The following TAOK1 variants were observed in gnomAD, a reference collection of about 807,000 sequenced individuals.
The protein encoded by TAOK1 is serine/threonine-protein kinase TAO1.
A neutral mutation model predicts 138.3 loss-of-function variants in TAOK1; 21 were observed. That is an observed-to-expected ratio of 0.15 (90% CI 0.11 to 0.22). The LOEUF (loss-of-function observed/expected upper bound fraction) is 0.22. Among genes scored for constraint, TAOK1 ranks in the 10% least tolerant of loss-of-function variants. TAOK1 has a pLI of 1.00. For missense variants in TAOK1, 651 were observed against 1,227.7 expected (o/e 0.53, Z 7.02); for synonymous variants, 361 against 398.4 (o/e 0.91, Z 1.12).
intron 16 of TAOK1, among the ~76,000 whole-genome samples, chr17:29,519,188 A>T (rs2031872506): frequency 6.6e-6 from 1 of 151,890 alleles, no homozygotes; most frequent in Non-Finnish European, 1.5e-5. Flanking sequence ...AATTGGGTAA[A>T]TGTTGTAGAA....
intron 6 of TAOK1, among the ~76,000 whole-genome samples, chr17:29,479,583 A>C (rs540883934): frequency 6.6e-6 from 1 of 152,260 alleles, no homozygotes; most frequent in East Asian, 1.9e-4. Context: ...AATTTAAGAT[A>C]CCTCTCCATT....
intron 1 of TAOK1, among the ~76,000 whole-genome samples, chr17:29,399,516 C>T (rs376589156): frequency 4.7e-4 from 72 of 152,086 alleles, no homozygotes; most frequent in African/African-American, 1.6e-3. Context: ...GGGGTTTCAC[C>T]GTGTTAGCCA....
intron 8 of TAOK1, 52 bp from the exon 9 acceptor site, chr17:29,489,612 C>G: frequency 8.3e-7 from 1 of 1,204,558 alleles, no homozygotes. Context: ...GTGCCCAGGA[C>G]TTGAGTACCC....
At chr17:29,537,802 A>G (rs2032248134) in intron 19 of TAOK1, among the ~76,000 whole-genome samples, 1 of 152,234 alleles carries the variant, frequency 6.6e-6, no homozygotes, top group South Asian at 2.1e-4. Flanking sequence ...TAATAGTTTA[A>G]AACAACCTAA....
intron 2 of TAOK1, among the ~76,000 whole-genome samples, chr17:29,455,284 A>C (rs2030346118): frequency 6.6e-6 from 1 of 150,484 alleles, no homozygotes; most frequent in Admixed American, 6.6e-5. Flanking sequence ...GAAATTGTTC[A>C]TTGCTGATGT....
Position 29,517,153 on chromosome 17 carries a change from A to AT in TAOK1, c.1705-292dup, listed in dbSNP as rs1162897783. ...GGGCACCCGCCACCATGCCCGGCTA[A>AT]TTTTTTTTGTATTTTTAGTAGAGAC... On this transcript the variant is annotated intron_variant, in intron 15 of 19. Coordinates refer to ENST00000261716, the MANE Select transcript of TAOK1 (RefSeq NM_020791.4). Among the ~76,000 whole-genome samples, 3 of 151,532 alleles carry AT rather than the reference A, an allele frequency of 2.0e-5. No individual in the cohort carries two copies. In the East Asian group the frequency reaches 5.9e-4, roughly 30 times the overall value.
intron 1 of TAOK1, among the ~76,000 whole-genome samples, chr17:29,448,256 A>G (rs529939500): frequency 6.6e-6 from 1 of 151,658 alleles, no homozygotes; most frequent in African/African-American, 2.4e-5. Context: ...AAAAGGTATA[A>G]TTTTTCTCTC....
At chr17:29,437,321 A>G (rs1048268222) in intron 1 of TAOK1, among the ~76,000 whole-genome samples, 11 of 151,782 alleles carry the variant, frequency 7.2e-5, no homozygotes, top group South Asian at 2.1e-4. Flanking sequence ...CTTGGCCTCC[A>G]AAAGCACTGG....
At chr17:29,526,823 A>T (rs1342089348) in intron 17 of TAOK1, among the ~76,000 whole-genome samples, 1 of 145,142 alleles carries the variant, frequency 6.9e-6, no homozygotes, top group Non-Finnish European at 1.5e-5. Context: ...ATCTCTTAAA[A>T]AAAAAAAAAA....
intron 1 of TAOK1, among the ~76,000 whole-genome samples, chr17:29,442,063 T>G (rs559164255): frequency 3.4e-4 from 52 of 152,008 alleles, no homozygotes; most frequent in African/African-American, 1.2e-3. Context: ...TTTTGTTTGT[T>G]TTTTTTTGAG....
intron 1 of TAOK1, among the ~76,000 whole-genome samples, chr17:29,415,513 C>T (rs914632561): frequency 3.9e-5 from 6 of 152,098 alleles, no homozygotes; most frequent in East Asian, 1.9e-4. Context: ...AATTATTTCC[C>T]GTTAAAAAAA....
intron 1 of TAOK1, among the ~76,000 whole-genome samples, chr17:29,401,434 C>CT (rs1003312639): frequency 5.3e-5 from 8 of 152,096 alleles, no homozygotes; most frequent in Non-Finnish European, 1.5e-5. Context: ...GGAGAGTGTG[C>CT]ATGTGTGTGG....
At chr17:29,394,303 C>T (rs1904524339) in intron 1 of TAOK1, among the ~76,000 whole-genome samples, 1 of 151,560 alleles carries the variant, frequency 6.6e-6, no homozygotes, top group Non-Finnish European at 1.5e-5. Flanking sequence ...GTAGCTGGGA[C>T]TACAGGCGCC....
intron 6 of TAOK1, among the ~76,000 whole-genome samples, chr17:29,478,549 G>A (rs926923270): frequency 3.3e-5 from 5 of 152,048 alleles, no homozygotes. Context: ...TTGCCTATAT[G>A]TGCTGCTGGA....
intron 14 of TAOK1, among the ~76,000 whole-genome samples, chr17:29,510,119 G>T (rs764402455): frequency 6.6e-6 from 1 of 151,264 alleles, no homozygotes; most frequent in African/African-American, 2.4e-5. Flanking sequence ...GCTCACGCCT[G>T]TAATCCCAGC....
Position 29,508,066 on chromosome 17 carries a change from G to C in TAOK1, c.1509G>C (p.Gln503His). ...GATTAGACAAAGATCTTGAAACTCA[G>C]CGTAACAATTTTGCTGCAGAAATGG... ...RLRLDKDLET[Q>H]RNNFAAEMEK... The change falls in exon 14 of 20, where the codon CAG becomes CAC. Residue 503 changes from glutamine (Q) to histidine (H), a missense_variant. Physicochemically the swap from Gln to His is conservative, Grantham distance 24. This residue lies in a region of TAOK1 where 258 missense variants were observed against 548.9 expected (regional missense o/e 0.47). Transcript: ENST00000261716. The C allele has an allele frequency of 6.2e-7, 1 of 1,614,106 alleles. No individual in the cohort carries two copies.
intron 1 of TAOK1, among the ~76,000 whole-genome samples, chr17:29,400,008 A>G (rs1904788823): frequency 6.6e-6 from 1 of 152,138 alleles, no homozygotes; most frequent in African/African-American, 2.4e-5. Context: ...GTGAGATTAT[A>G]CACAGGAGCC....
rs1209219320 is a variant in TAOK1, at chr17:29,551,578, GA to G, written c.*8558del. ...GCTTATCAAGGGTTGCATTGGGGAA[GA>G]AGCCTCTCCCTCTCTGTCAGCACCA... On this transcript the variant is annotated 3_prime_UTR_variant, in exon 20 of 20. Transcript: ENST00000261716. 6.5e-6 allele frequency: 1 copy of G among 152,762 alleles called. No individual in the cohort carries two copies. Among genetic ancestry groups the G allele is most frequent in the South Asian group, 2.1e-4 (1 of 4,832 alleles). The allele number at this position is 152,762 out of a possible 1,614,324, so 9.5% of individuals were successfully genotyped here.
At chr17:29,531,086 C>A (rs1469363030) in intron 18 of TAOK1, among the ~76,000 whole-genome samples, 1 of 150,352 alleles carries the variant, frequency 6.7e-6, no homozygotes. Context: ...CTCAGCCTCC[C>A]AAGTAGCTGG....
Sources: gnomAD v4.1 joint callset for allele counts (sites outside exome capture counted in the v4.1 genomes callset) on GRCh38, gnomAD v4.1.1 for gene constraint, gnomAD v4.1.1 regional missense constraint, MANE v1.5 for transcripts, NCBI Gene and HGNC (gene_info 2026-07-23, HGNC 2026-07-21) for gene names.